Variants in IL16 observed in about 807,000 individuals in gnomAD.
The protein encoded by IL16 is pro-interleukin-16.
In IL16, 67 loss-of-function variants were observed where a neutral mutation model predicts 110.1. The ratio of observed to expected loss-of-function variants is 0.61; its 90% CI spans 0.50 to 0.75. The LOEUF is 0.75. IL16 is among the 30% of genes least tolerant of loss of function. The pLI is 0.00. For missense variants in IL16, 1,545 were observed against 1,655.0 expected, an observed-to-expected ratio of 0.93 and a Z score of 1.15; for synonymous variants, 689 against 662.9, an observed-to-expected ratio of 1.04 and a Z score of -0.61.
chr15:81,293,160 A>C (rs1156721166), intron 12 of IL16, 123 bp downstream of exon 12: 10 of 1,086,730 alleles, frequency 9.2e-6, no homozygotes, highest in Non-Finnish European at 1.3e-5. Flanking sequence ...CACCAGAGAG[A>C]AACTGTTGCC....
In IL16 at chr15:81,276,268, G is replaced by T. The variant is rs140037924; in HGVS notation, c.791-2549G>T. Among the ~76,000 whole-genome samples the T allele has an allele frequency of 2.2e-3, 338 of 152,258 alleles. 2 individuals carry two copies. Among genetic ancestry groups the T allele is most frequent in the African/African-American group, 7.7e-3 (319 of 41,526 alleles). On this transcript the variant is annotated intron_variant, in intron 6 of 18. Transcript: ENST00000683961. ...TGCCTCCAGCCCCTGTTTCCAATACGTAGACTTGTGAAATAATATAGCACA... is the reference window on the plus strand; with the variant it reads ...TGCCTCCAGCCCCTGTTTCCAATACTTAGACTTGTGAAATAATATAGCACA...
chr15:81,280,910 T>A (rs1384217536), intron 8 of IL16, among the ~76,000 whole-genome samples: 1 of 152,182 alleles, frequency 6.6e-6, no homozygotes, highest in Non-Finnish European at 1.5e-5. Context: ...CTTGGAGTGG[T>A]GTTTCCTCTG....
At chr15:81,188,297 A>G (rs1190536356) in intron 1 of IL16, 3 of 456,108 alleles carry the variant, frequency 6.6e-6, no homozygotes, top group Non-Finnish European at 1.3e-5. Flanking sequence ...GGGGGAGGGT[A>G]TAGACACAGG....
chr15:81,201,542 C>T (rs1266828913), intron 1 of IL16, among the ~76,000 whole-genome samples: 1 of 152,160 alleles, frequency 6.6e-6, no homozygotes, highest in Non-Finnish European at 1.5e-5. Context: ...ACTTCTATTT[C>T]TTCCAGTAGG....
Position 81,285,826 on chromosome 15 carries a change from C to A in IL16, c.1328C>A (p.Pro443Gln). Reference sequence around the variant, plus strand: ...ATCATTGTTAGCCGACATCCAGACCCACAGGTAACACCCACTGGGTTATCC... The same window carrying A: ...ATCATTGTTAGCCGACATCCAGACCAACAGGTAACACCCACTGGGTTATCC... ...VPIIVSRHPD[P>Q]QVSEQQLKEA... The change falls in exon 10 of 19, where the codon CCA (proline) becomes CAA (glutamine). Residue 443 changes from proline (P) to glutamine (Q), a missense_variant. Physicochemically the swap from Pro to Gln is moderately conservative, Grantham distance 76 (BLOSUM62 -1). This residue lies in a region of IL16 where 1,185 missense variants were observed against 1,238.8 expected (regional missense o/e 0.96). Transcript: ENST00000683961. 1 of 1,614,172 alleles carries A rather than the reference C, an allele frequency of 6.2e-7. No individual in the cohort carries two copies. The highest frequency in any genetic ancestry group is 8.5e-7 in the Non-Finnish European group (1 of 1,179,988).
At chr15:81,219,491 C>T (rs1318155243) in intron 1 of IL16, among the ~76,000 whole-genome samples, 1 of 152,030 alleles carries the variant, frequency 6.6e-6, no homozygotes, top group Non-Finnish European at 1.5e-5. Context: ...AAATCCCTTT[C>T]CTGACTTATC....
At chr15:81,258,728 G>T (rs1016634394) in intron 2 of IL16, among the ~76,000 whole-genome samples, 2 of 114,920 alleles carry the variant, frequency 1.7e-5, no homozygotes, top group East Asian at 2.0e-4. Flanking sequence ...ACTCGCGCAC[G>T]CGCTCTCTCT....
chr15:81,240,140 A>G (rs1897298407), intron 2 of IL16, among the ~76,000 whole-genome samples: 1 of 152,114 alleles, frequency 6.6e-6, no homozygotes. Context: ...ATTCAATATT[A>G]TGTTCCAGGA....
At chr15:81,203,241 G>A (rs1895888228) in intron 1 of IL16, among the ~76,000 whole-genome samples, 2 of 151,660 alleles carry the variant, frequency 1.3e-5, no homozygotes, top group South Asian at 4.2e-4. Context: ...AGATGAGTAG[G>A]TTGCAAAAAT....
intron 2 of IL16, 141 bp from the exon 3 acceptor site, chr15:81,259,631 C>T (rs1010243397): frequency 4.8e-5 from 28 of 581,770 alleles, no homozygotes; most frequent in Admixed American, 3.6e-4. Context: ...ATTCTAAATC[C>T]CTGCTCTTAT....
At chr15:81,251,612 C>A (rs527887529) in intron 2 of IL16, among the ~76,000 whole-genome samples, 79 of 152,230 alleles carry the variant, frequency 5.2e-4, no homozygotes, top group African/African-American at 1.7e-3. Flanking sequence ...TAATAAATTT[C>A]TAGAATATAA....
intron 9 of IL16, among the ~76,000 whole-genome samples, chr15:81,285,320 C>T (rs140818150): frequency 1.3e-3 from 196 of 152,256 alleles, no homozygotes; most frequent in African/African-American, 4.0e-3. Flanking sequence ...AACACAGAGG[C>T]CCAAGGAGAG....
chr15:81,232,042 G>GTTTTTTTTTTTTGTT (rs1897010325), intron 2 of IL16, among the ~76,000 whole-genome samples: 1 of 57,692 alleles, frequency 1.7e-5, no homozygotes, highest in East Asian at 4.9e-4. Context: ...ATTTGTTCTT[G>GTTTTTTTTTTTTGTT]TTTTTTTTTT....
At position 81,308,980 on chromosome 15, in the gene IL16, A is replaced by G. The variant is rs1900715300; in HGVS notation, c.*182A>G. On this transcript the variant is annotated 3_prime_UTR_variant, in exon 19 of 19. Transcript: ENST00000683961. ...CCACCCAGCAAAAGGTTGTTCCTAA[A>G]ATAAGGGCAGAGTCACACGGGGGCA... 1.9e-6 allele frequency: 1 copy of G among 522,402 alleles called. No homozygotes were observed. The highest frequency in any genetic ancestry group is 3.8e-5 in the Admixed American group (1 of 26,556). The allele number at this position is 522,402 out of a possible 1,614,324, so 32.4% of individuals were successfully genotyped here. A position where few individuals can be genotyped will look rare whatever the true frequency, so the allele number is the denominator to read the frequency against.
intron 2 of IL16, among the ~76,000 whole-genome samples, chr15:81,237,688 T>A (rs1031907274): frequency 6.6e-6 from 1 of 152,166 alleles, no homozygotes; most frequent in Non-Finnish European, 1.5e-5. Context: ...CTTTTCTTTA[T>A]ACTTTATTAT....
intron 2 of IL16, among the ~76,000 whole-genome samples, chr15:81,229,750 C>G (rs1464927976): frequency 6.6e-6 from 1 of 152,136 alleles, no homozygotes; most frequent in African/African-American, 2.4e-5. Flanking sequence ...ACACTCTAGT[C>G]CATGCCCTGT....
intron 9 of IL16, among the ~76,000 whole-genome samples, chr15:81,283,032 C>A (rs1411455233): frequency 6.6e-6 from 1 of 152,190 alleles, no homozygotes; most frequent in Non-Finnish European, 1.5e-5. Context: ...CTCCAGGCCA[C>A]TGGGAGGGTG....
chr15:81,279,313 A>C (rs570765876), intron 7 of IL16, among the ~76,000 whole-genome samples: 1 of 152,250 alleles, frequency 6.6e-6, no homozygotes, highest in African/African-American at 2.4e-5. Context: ...CCATCTATTC[A>C]TCCATCTATC....
At chr15:81,213,482 G>C (rs182940530) in intron 1 of IL16, among the ~76,000 whole-genome samples, 9 of 152,238 alleles carry the variant, frequency 5.9e-5, no homozygotes, top group African/African-American at 1.9e-4. Context: ...CATTGTCAGT[G>C]GGGTGCTGAT....
Sources: gnomAD v4.1 joint callset for allele counts (sites outside exome capture counted in the v4.1 genomes callset) on GRCh38, gnomAD v4.1.1 for gene constraint, gnomAD v4.1.1 regional missense constraint, MANE v1.5 for transcripts, NCBI Gene and HGNC (gene_info 2026-07-23, HGNC 2026-07-21) for gene names.